Variants in TAFA4 observed in about 807,000 individuals in gnomAD.
TAFA4 encodes the protein TAFA chemokine like family member 4, also known as chemokine-like protein TAFA-4.
A neutral mutation model predicts 21.1 loss-of-function variants in TAFA4; 20 were observed. The observed-to-expected ratio is 0.95, with a 90% CI of 0.67 to 1.38. The LOEUF (loss-of-function observed/expected upper bound fraction) is 1.38. Ranked by LOEUF, TAFA4 falls within the 40% of genes most tolerant of loss-of-function variation. The pLI is 0.00. For synonymous variants in TAFA4, 71 were observed against 67.4 expected (o/e 1.05, Z -0.26); for missense variants, 211 against 180.9 (o/e 1.17, Z -0.95).
intron 3 of TAFA4, among the ~76,000 whole-genome samples, chr3:68,759,087 C>T (rs1702713628): frequency 1.3e-5 from 2 of 152,148 alleles, no homozygotes; most frequent in Admixed American, 6.5e-5. Flanking sequence ...CAGCAAAAGC[C>T]AGTGTTTCAG....
At chr3:68,818,640 T>C (rs1434871366) in intron 3 of TAFA4, among the ~76,000 whole-genome samples, 1 of 152,188 alleles carries the variant, frequency 6.6e-6, no homozygotes, top group Non-Finnish European at 1.5e-5. Context: ...TGTAATATTA[T>C]TGTGTCTCAG....
At chr3:68,837,120 T>C (rs1052181100) in intron 3 of TAFA4, among the ~76,000 whole-genome samples, 2 of 152,234 alleles carry the variant, frequency 1.3e-5, no homozygotes, top group African/African-American at 4.8e-5. Context: ...GTTGAATAAT[T>C]GCAACAGAGG....
intron 1 of TAFA4, among the ~76,000 whole-genome samples, chr3:68,907,969 G>A (rs1006436273): frequency 3.3e-5 from 5 of 152,130 alleles, no homozygotes; most frequent in African/African-American, 4.8e-5. Context: ...GCATGGATTC[G>A]CTAAAAATAA....
chr3:68,756,364 T>A (rs1243527928), intron 3 of TAFA4, among the ~76,000 whole-genome samples: 2 of 152,236 alleles, frequency 1.3e-5, no homozygotes, highest in Admixed American at 1.3e-4. Context: ...TCCATTTACA[T>A]ATAAATTGTT....
At chr3:68,789,271 T>C (rs779054712) in intron 3 of TAFA4, among the ~76,000 whole-genome samples, 1 of 152,026 alleles carries the variant, frequency 6.6e-6, no homozygotes, top group Non-Finnish European at 1.5e-5. Context: ...TGGAGTTGAG[T>C]TGATTTTTGT....
intron 3 of TAFA4, among the ~76,000 whole-genome samples, chr3:68,795,292 A>T (rs1703435131): frequency 6.6e-6 from 1 of 151,264 alleles, no homozygotes; most frequent in South Asian, 2.1e-4. Context: ...GGGGCCATTC[A>T]GTATCCATTA....
chr3:68,795,156 T>G (rs931823380), intron 3 of TAFA4, among the ~76,000 whole-genome samples: 1 of 151,646 alleles, frequency 6.6e-6, no homozygotes, highest in African/African-American at 2.4e-5. Flanking sequence ...TATTTTGTGC[T>G]GGGAGTTCAG....
intron 3 of TAFA4, among the ~76,000 whole-genome samples, chr3:68,840,166 G>T (rs1346174845): frequency 6.6e-6 from 1 of 152,282 alleles, no homozygotes; most frequent in East Asian, 1.9e-4. Flanking sequence ...TCCCTGGACA[G>T]AAATCAAGGT....
At chr3:68,783,486 T>C (rs116246288) in intron 3 of TAFA4, among the ~76,000 whole-genome samples, 2,485 of 152,070 alleles carry the variant, frequency 0.016, 73 homozygotes, top group African/African-American at 0.057. Flanking sequence ...AGAATAAATT[T>C]AGGAAAACAA....
chr3:68,733,107 T>G lies in TAFA4; in HGVS notation c.*35A>C, dbSNP rs1329765507. On this transcript the variant is annotated 3_prime_UTR_variant, in exon 6 of 6. Transcript: ENST00000295569. ...CAAGCAAAAGAGCTCCGCCTCCTGC[T>G]GCCCCTCCAGGATTGAAGCACACCT... is the stretch of plus-strand genomic sequence containing the variant. 1.2e-6 allele frequency: 2 copies of G among 1,612,488 alleles called. No homozygotes were observed. Among genetic ancestry groups the G allele is most frequent in the Non-Finnish European group, 1.7e-6 (2 of 1,179,250 alleles).
chr3:68,864,066 A>G (rs1188122943), intron 3 of TAFA4, among the ~76,000 whole-genome samples: 1 of 152,144 alleles, frequency 6.6e-6, no homozygotes, highest in African/African-American at 2.4e-5. Context: ...TAAGACACCG[A>G]AAGTAAAATA....
At chr3:68,784,769 T>C (rs1381960040) in intron 3 of TAFA4, among the ~76,000 whole-genome samples, 1 of 152,200 alleles carries the variant, frequency 6.6e-6, no homozygotes, top group Admixed American at 6.5e-5. Context: ...ATCCTGCTGA[T>C]TGGTAGAGCC....
intron 3 of TAFA4, among the ~76,000 whole-genome samples, chr3:68,811,323 G>A (rs1343637321): frequency 6.6e-6 from 1 of 152,196 alleles, no homozygotes; most frequent in South Asian, 2.1e-4. Flanking sequence ...GCTGGACAGA[G>A]AATGACTTCG....
intron 3 of TAFA4, among the ~76,000 whole-genome samples, chr3:68,754,775 AGTTGTAAAACTGATTCTATG>A (rs1258798023): frequency 6.6e-6 from 1 of 152,204 alleles, no homozygotes; most frequent in Admixed American, 6.5e-5. Flanking sequence ...TCAATATGAT[AGTTGTAAAACTGATTCTATG>A]TTAATGTTCA....
At chr3:68,892,765 A>G (rs2089743192) in intron 1 of TAFA4, among the ~76,000 whole-genome samples, 1 of 152,238 alleles carries the variant, frequency 6.6e-6, no homozygotes, top group African/African-American at 2.4e-5. Context: ...TAATGGATAT[A>G]TGGTCAAACC....
At chr3:68,862,991 TG>T (rs2089367154) in intron 3 of TAFA4, among the ~76,000 whole-genome samples, 1 of 148,006 alleles carries the variant, frequency 6.8e-6, no homozygotes, top group Non-Finnish European at 1.5e-5. Context: ...CCCAGCACTG[TG>T]GGAGTCCAAG....
chr3:68,921,913 G>T (rs549777586), intron 1 of TAFA4, among the ~76,000 whole-genome samples: 9 of 152,212 alleles, frequency 5.9e-5, no homozygotes, highest in South Asian at 4.2e-4. Context: ...ATTTTAAAAG[G>T]CCTCAACTAC....
intron 1 of TAFA4, among the ~76,000 whole-genome samples, chr3:68,907,031 CAAAAAAAAA>C (rs34543200): frequency 5.6e-5 from 3 of 53,926 alleles, no homozygotes; most frequent in African/African-American, 7.6e-5. Flanking sequence ...GAGCCCGTCT[CAAAAAAAAA>C]AAAAAAAAAA....
chr3:68,741,631 A>G (rs1702354427), intron 4 of TAFA4, among the ~76,000 whole-genome samples: 1 of 151,956 alleles, frequency 6.6e-6, no homozygotes. Flanking sequence ...CATCTGTACT[A>G]AAAATAAAAA....
Sources: allele counts gnomAD v4.1 joint callset (sites outside exome capture counted in the v4.1 genomes callset), GRCh38; gene constraint gnomAD v4.1.1; transcripts MANE v1.5; gene names NCBI Gene and HGNC (gene_info 2026-07-23, HGNC 2026-07-21).